Variants in SLC11A2 observed in about 807,000 individuals in gnomAD.
SLC11A2 encodes solute carrier family 11 member 2.
In SLC11A2, 38 loss-of-function variants were observed where a neutral mutation model predicts 68.0. That is an observed-to-expected ratio of 0.56 (90% CI 0.43 to 0.73). The LOEUF is 0.73. Ranked by LOEUF, SLC11A2 falls within the 30% of genes least tolerant of loss-of-function variation. The probability of loss-of-function intolerance (pLI) is 0.00; values close to 1 mark genes in which losing one functional copy is unlikely to be tolerated. For synonymous variants in SLC11A2, 242 were observed against 250.6 expected (o/e 0.97, Z 0.32); for missense variants, 517 against 690.5 (o/e 0.75, Z 2.82).
chr12:51,017,806 A>T (rs1943764551), intron 1 of SLC11A2, among the ~76,000 whole-genome samples: 1 of 152,114 alleles, frequency 6.6e-6, no homozygotes, highest in Non-Finnish European at 1.5e-5. Context: ...GCAAAATATT[A>T]AAAATCCCCT....
intron 1 of SLC11A2, among the ~76,000 whole-genome samples, chr12:51,021,626 C>CAA (rs11437647): frequency 3.7e-4 from 52 of 141,852 alleles, no homozygotes; most frequent in Middle Eastern, 3.7e-3. Context: ...GACCCTGTCT[C>CAA]AAAAAAAAAA....
chr12:50,988,603 A>C (rs1940834557), intron 15 of SLC11A2, among the ~76,000 whole-genome samples, 168 bp from the exon 16 acceptor site: 1 of 152,168 alleles, frequency 6.6e-6, no homozygotes, highest in Non-Finnish European at 1.5e-5. Flanking sequence ...CTCCCCCTTC[A>C]AAAAATCAGC....
chr12:50,985,930 AAAGTTGTTGT>A (rs1940495011), downstream of SLC11A2: 10 of 1,104,568 alleles, frequency 9.1e-6, no homozygotes, highest in Non-Finnish European at 1.1e-5. Flanking sequence ...TTTTTGTATC[AAAGTTGTTGT>A]AACCCTATTA....
At chr12:50,964,776 CAG>C in the SLC11A2 span, among the ~76,000 whole-genome samples, 1 of 152,228 alleles carries the variant, frequency 6.6e-6, no homozygotes, top group African/African-American at 2.4e-5. Flanking sequence ...ATCTGGATAG[CAG>C]AGTGACCACC....
chr12:50,968,131 T>TGAGGAG, the SLC11A2 span, among the ~76,000 whole-genome samples: 4 of 146,996 alleles, frequency 2.7e-5, no homozygotes, highest in African/African-American at 1.0e-4. Flanking sequence ...AGGAGGAGAA[T>TGAGGAG]GAGGAGGAGG....
chr12:50,989,167 C>G (rs1022080968), intron 15 of SLC11A2, among the ~76,000 whole-genome samples: 18 of 152,050 alleles, frequency 1.2e-4, no homozygotes, highest in African/African-American at 4.1e-4. Flanking sequence ...CAACAGTAAC[C>G]CACTCTAGAA....
downstream of SLC11A2, among the ~76,000 whole-genome samples, chr12:50,976,396 T>C (rs957503056): frequency 2.0e-5 from 3 of 152,188 alleles, no homozygotes; most frequent in Admixed American, 6.5e-5. Context: ...AAAAACTAAA[T>C]GATCATTTCA....
chr12:51,011,344 G>A (rs565199385), intron 1 of SLC11A2, among the ~76,000 whole-genome samples: 1 of 152,094 alleles, frequency 6.6e-6, no homozygotes, highest in African/African-American at 2.4e-5. Flanking sequence ...TAGCCAGGAT[G>A]GTCTCGATCT....
chr12:50,968,557 T>A, the SLC11A2 span, among the ~76,000 whole-genome samples: 2 of 152,034 alleles, frequency 1.3e-5, no homozygotes, highest in African/African-American at 4.8e-5. Flanking sequence ...CAGCTAATTT[T>A]TGTTTGTTTT....
At chr12:50,999,054 T>C in intron 8 of SLC11A2, 120 bp downstream of exon 8, 2 of 862,898 alleles carry the variant, frequency 2.3e-6, no homozygotes, top group Non-Finnish European at 3.7e-6. Context: ...GGCTTTTTGT[T>C]GATACACCCA....
At chr12:51,024,806 A>C (rs1944273634) in intron 1 of SLC11A2, 1 of 152,222 alleles carries the variant, frequency 6.6e-6, no homozygotes, top group Non-Finnish European at 1.5e-5. Flanking sequence ...GATTAGATTC[A>C]TAAGAAGCTT....
the SLC11A2 span, among the ~76,000 whole-genome samples, chr12:50,972,722 C>A: frequency 1.3e-5 from 2 of 152,238 alleles, no homozygotes; most frequent in African/African-American, 2.4e-5. Flanking sequence ...CACAAGGAGT[C>A]AGAGAATTCC....
At chr12:50,997,824 C>T (rs1023501492) in intron 8 of SLC11A2, among the ~76,000 whole-genome samples, 3 of 150,446 alleles carry the variant, frequency 2.0e-5, no homozygotes, top group African/African-American at 4.9e-5. Flanking sequence ...CCCGTCTCTA[C>T]GAAAAATACA....
In SLC11A2 at chr12:50,992,250, G is replaced by A. The variant is rs1276081954; in HGVS notation, c.1287C>T (p.Phe429=). The part of the protein sequence containing the change: ...AIIPTLLVAV[F]QDVEHLTGMN... Reference sequence around the variant, plus strand: ...TCCCTGTTAGATGCTCTACATCTTGGAAGACAGCAACAAGCAGAGTGGGGA... The same window carrying A: ...TCCCTGTTAGATGCTCTACATCTTGAAAGACAGCAACAAGCAGAGTGGGGA... The change falls in exon 13 of 16, where the codon TTC becomes TTT. Residue 429 remains phenylalanine (F), a synonymous_variant. Transcript: ENST00000262052. 2 of 1,614,012 alleles carry A rather than the reference G, an allele frequency of 1.2e-6. No individual in the cohort carries two copies. Among genetic ancestry groups the A allele is most frequent in the East Asian group, 4.5e-5 (2 of 44,884 alleles).
upstream of SLC11A2, among the ~76,000 whole-genome samples, chr12:51,026,573 A>G (rs912658378): frequency 6.6e-6 from 1 of 151,500 alleles, no homozygotes; most frequent in Non-Finnish European, 1.5e-5. Flanking sequence ...CGGGAGCTGC[A>G]TGCTGCCTAG....
intron 14 of SLC11A2, 42 bp from the exon 15 acceptor site, chr12:50,990,990 C>T: frequency 6.3e-7 from 1 of 1,591,796 alleles, no homozygotes; most frequent in Non-Finnish European, 8.6e-7. Context: ...AATAATCCAA[C>T]TTGGCCACAG....
the SLC11A2 span, among the ~76,000 whole-genome samples, chr12:50,971,489 A>G: frequency 6.6e-6 from 1 of 152,244 alleles, no homozygotes; most frequent in Non-Finnish European, 1.5e-5. Context: ...CTGAGATGGC[A>G]AAAAGGATTT....
At chr12:51,005,972 G>A (rs537868620) in intron 3 of SLC11A2, 42 of 291,558 alleles carry the variant, frequency 1.4e-4, no homozygotes, top group Non-Finnish European at 1.9e-4. Flanking sequence ...CGTCCCTTTG[G>A]AATTCAGACA....
the SLC11A2 span, among the ~76,000 whole-genome samples, chr12:50,958,769 C>G: frequency 6.6e-6 from 1 of 151,644 alleles, no homozygotes; most frequent in Non-Finnish European, 1.5e-5. Flanking sequence ...GTAATCCCAG[C>G]ACTTCAGGAG....
Sources: gnomAD v4.1 joint callset for allele counts (sites outside exome capture counted in the v4.1 genomes callset) on GRCh38, gnomAD v4.1.1 for gene constraint, MANE v1.5 for transcripts, NCBI Gene and HGNC (gene_info 2026-07-23, HGNC 2026-07-21) for gene names.